ALK: variants seen among roughly 807,000 people sequenced by gnomAD.
ALK encodes the protein ALK receptor tyrosine kinase, also known as ALK tyrosine kinase receptor.
Under a neutral mutation model 163.1 loss-of-function variants are expected in ALK, and 74 were observed. The ratio of observed to expected loss-of-function variants is 0.45; its 90% CI spans 0.38 to 0.55. The LOEUF is 0.55. ALK is among the 20% of genes least tolerant of loss of function. The pLI is 0.00. For missense variants in ALK, 2,063 were observed against 2,105.3 expected, an observed-to-expected ratio of 0.98 and a Z score of 0.39; for synonymous variants, 960 against 843.2, an observed-to-expected ratio of 1.14 and a Z score of -2.40.
chr2:29,812,769 C>A (rs571543939), intron 1 of ALK, among the ~76,000 whole-genome samples: 1 of 152,338 alleles, frequency 6.6e-6, no homozygotes, highest in South Asian at 2.1e-4. Context: ...GCTGCATTTC[C>A]TCTACAACAT....
intron 5 of ALK, among the ~76,000 whole-genome samples, chr2:29,372,510 T>A (rs892297950): frequency 6.6e-6 from 1 of 152,232 alleles, no homozygotes. Context: ...ACACAGGGAA[T>A]GGTAGAGCTA....
intron 4 of ALK, among the ~76,000 whole-genome samples, chr2:29,489,845 G>A (rs975043893): frequency 1.3e-5 from 2 of 152,232 alleles, no homozygotes; most frequent in African/African-American, 4.8e-5. Context: ...CAGGTGTTAT[G>A]AAGGGAAAGT....
intron 2 of ALK, among the ~76,000 whole-genome samples, chr2:29,716,363 A>G (rs934596866): frequency 9.2e-5 from 14 of 152,362 alleles, no homozygotes; most frequent in African/African-American, 3.4e-4. Context: ...GCGATAGAAT[A>G]AAGTGGAAAG....
chr2:29,719,305 T>C (rs1679359515), intron 1 of ALK, among the ~76,000 whole-genome samples: 2 of 152,252 alleles, frequency 1.3e-5, no homozygotes, highest in African/African-American at 4.8e-5. Context: ...ACTGAATTGA[T>C]TTGTGCCAGG....
chr2:29,206,775 T>TGGTG (rs1358426138), intron 26 of ALK, among the ~76,000 whole-genome samples: 1 of 97,934 alleles, frequency 1.0e-5, no homozygotes, highest in African/African-American at 4.3e-5. Flanking sequence ...CTCCCTTTAT[T>TGGTG]GGTGTGTGTG....
At position 29,366,208 on chromosome 2, in the gene ALK, A is replaced by G. The variant is rs1413586718; in HGVS notation, c.1282+17524T>C. On this transcript the variant is annotated intron_variant, in intron 5 of 28. Coordinates refer to ENST00000389048, the MANE Select transcript of ALK (RefSeq NM_004304.5). ...AGTCACAGAGTGAGGCAGAATGTGC[A>G]GTGATGTGGAACAGACCCTGTGGGC... Among the ~76,000 whole-genome samples, 5 of 152,172 alleles carry G rather than the reference A, an allele frequency of 3.3e-5. No individual in the cohort carries two copies. The South Asian group carries it at 8.3e-4, about 25-fold the overall frequency.
At chr2:29,197,257 C>T (rs1669045466) in intron 27 of ALK, among the ~76,000 whole-genome samples, 2 of 152,092 alleles carry the variant, frequency 1.3e-5, no homozygotes, top group Non-Finnish European at 2.9e-5. Flanking sequence ...AGGGACTGGG[C>T]CTGGGACACA....
At chr2:29,679,258 G>GT (rs1159427960) in intron 3 of ALK, among the ~76,000 whole-genome samples, 1 of 151,700 alleles carries the variant, frequency 6.6e-6, no homozygotes, top group Non-Finnish European at 1.5e-5. Context: ...TGAGTCTAAA[G>GT]TGTCCCTCTT....
chr2:29,713,932 TCCCATACCC>T (rs1679177223), intron 2 of ALK, among the ~76,000 whole-genome samples: 1 of 152,002 alleles, frequency 6.6e-6, no homozygotes, highest in Non-Finnish European at 1.5e-5. Context: ...ATGTGATTCT[TCCCATACCC>T]AGAGTGGGCA....
At chr2:29,361,618 C>T (rs1038685343) in intron 5 of ALK, among the ~76,000 whole-genome samples, 1 of 152,198 alleles carries the variant, frequency 6.6e-6, no homozygotes, top group African/African-American at 2.4e-5. Flanking sequence ...CTCTCTGGTG[C>T]TAGGGCTTCC....
chr2:29,676,393 T>G (rs1004833577), intron 3 of ALK, among the ~76,000 whole-genome samples: 14 of 152,130 alleles, frequency 9.2e-5, no homozygotes, highest in African/African-American at 3.4e-4. Flanking sequence ...TAAGTTCATT[T>G]TTTTGTAAAT....
intron 8 of ALK, among the ~76,000 whole-genome samples, chr2:29,309,617 T>C (rs976429141): frequency 2.0e-5 from 3 of 151,390 alleles, no homozygotes; most frequent in Non-Finnish European, 4.4e-5. Context: ...GGTGCTGGGG[T>C]AAGAATGACT....
intron 4 of ALK, among the ~76,000 whole-genome samples, chr2:29,504,482 G>A (rs1400587135): frequency 6.6e-6 from 1 of 152,208 alleles, no homozygotes; most frequent in African/African-American, 2.4e-5. Flanking sequence ...AGGTACTGCT[G>A]TATCAGTTGA....
chr2:29,438,007 A>G (rs1670444794), intron 4 of ALK, among the ~76,000 whole-genome samples: 1 of 152,112 alleles, frequency 6.6e-6, no homozygotes, highest in Non-Finnish European at 1.5e-5. Context: ...CCAGATTAGG[A>G]ATTTGCTGCA....
intron 3 of ALK, among the ~76,000 whole-genome samples, chr2:29,665,003 CTTTT>C (rs35885544): frequency 2.2e-5 from 3 of 133,786 alleles, no homozygotes; most frequent in Non-Finnish European, 1.6e-5. Flanking sequence ...TTCTTTTTTT[CTTTT>C]TTTTTTTTTT....
At chr2:29,241,203 AG>A (rs1664514513) in intron 12 of ALK, among the ~76,000 whole-genome samples, 1 of 152,136 alleles carries the variant, frequency 6.6e-6, no homozygotes, top group African/African-American at 2.4e-5. Flanking sequence ...GAGCTCACAA[AG>A]AAACTGAGGA....
chr2:29,420,617 G>C (rs1276881669), intron 4 of ALK, among the ~76,000 whole-genome samples: 2 of 151,368 alleles, frequency 1.3e-5, no homozygotes, highest in African/African-American at 4.9e-5. Context: ...GCATATCTCC[G>C]AAGTCAATCA....
chr2:29,392,429 A>T (rs1669196434), intron 4 of ALK, among the ~76,000 whole-genome samples: 1 of 152,182 alleles, frequency 6.6e-6, no homozygotes, highest in South Asian at 2.1e-4. Flanking sequence ...GGTGGGTCAG[A>T]GGTGGGTTGT....
In ALK at chr2:29,227,627, T is replaced by C. The variant is rs762456306; in HGVS notation, c.2861A>G (p.Asp954Gly). The change falls in exon 17 of 29, where the codon GAT (aspartate) becomes GGT (glycine). Residue 954 changes from aspartate to glycine, a missense_variant. Asp to Gly is a moderately conservative substitution (Grantham distance 94). This residue lies in a region of ALK where 575 missense variants were observed against 626.6 expected (regional missense o/e 0.92). Transcript: ENST00000389048. This position sits in a 1 kb window ranked among gnomAD's most constrained non-coding sequence, Gnocchi z 4.4. ...SNNDPEMDGE[D>G]GVSFISPLGI... ...CAGTGGACTGATGAAGGAAACCCCA[T>C]CTTCCCCATCCATTTCGGGGTCATT... is the stretch of plus-strand genomic sequence containing the variant. The C allele has an allele frequency of 7.4e-6, 12 of 1,614,060 alleles. No individual in the cohort carries two copies. The highest frequency in any genetic ancestry group is 1.0e-5 in the Non-Finnish European group (12 of 1,180,028).
Sources: gnomAD v4.1 joint callset for allele counts (sites outside exome capture counted in the v4.1 genomes callset) on GRCh38, gnomAD v4.1.1 for gene constraint, gnomAD v4.1.1 regional missense constraint, Gnocchi (gnomAD v3.1) non-coding constraint, MANE v1.5 for transcripts, NCBI Gene and HGNC (gene_info 2026-07-23, HGNC 2026-07-21) for gene names.